The following PIK3C2G variants were observed in gnomAD, a reference collection of about 807,000 sequenced individuals.
PIK3C2G encodes phosphatidylinositol-4-phosphate 3-kinase catalytic subunit type 2 gamma.
A neutral mutation model predicts 181.1 loss-of-function variants in PIK3C2G; 168 were observed. The ratio of observed to expected loss-of-function variants is 0.93; its 90% CI spans 0.82 to 1.05. The LOEUF is 1.05. Among genes scored for constraint, PIK3C2G ranks in the 50% least tolerant of loss-of-function variants. The pLI is 0.00. For synonymous variants in PIK3C2G, 573 were observed against 592.2 expected (o/e 0.97, Z 0.47); for missense variants, 1,869 against 1,732.8 (o/e 1.08, Z -1.40).
At chr12:18,514,818 G>T (rs183961027) in intron 24 of PIK3C2G, among the ~76,000 whole-genome samples, 1 of 151,800 alleles carries the variant, frequency 6.6e-6, no homozygotes, top group East Asian at 1.9e-4. Flanking sequence ...TTGTCTTCTT[G>T]TTCCGGATCT....
At chr12:18,244,118 G>C (rs546808791), upstream of PIK3C2G, among the ~76,000 whole-genome samples, 1 of 151,736 alleles carries the variant, frequency 6.6e-6, no homozygotes, top group Admixed American at 6.6e-5. Context: ...AAATGATCTT[G>C]GTAAATTCAA....
chr12:18,394,102 A>G lies in PIK3C2G; in HGVS notation c.2126+2850A>G, dbSNP rs556559943. 2.2e-3 allele frequency among the ~76,000 whole-genome samples: 341 copies of G among 152,254 alleles called. 1 individual carries two copies. Among genetic ancestry groups the G allele is most frequent in the Non-Finnish European group, 4.0e-3 (269 of 67,942 alleles). ...GAGAAGCCACACAATGCTGGGAGAC[A>G]TAGAAATTCTGACCAATAAGAATGG... On this transcript the variant is annotated intron_variant, in intron 15 of 32. Coordinates refer to ENST00000538779, the MANE Select transcript of PIK3C2G (RefSeq NM_001288772.2).
At chr12:18,377,825 A>G (rs532084577) in intron 13 of PIK3C2G, among the ~76,000 whole-genome samples, 1 of 152,300 alleles carries the variant, frequency 6.6e-6, no homozygotes, top group East Asian at 1.9e-4. Flanking sequence ...TAAGTTATAA[A>G]TATTACATAT....
chr12:18,557,689 G>C (rs960743347), intron 26 of PIK3C2G, among the ~76,000 whole-genome samples: 2 of 152,040 alleles, frequency 1.3e-5, no homozygotes, highest in African/African-American at 4.8e-5. Flanking sequence ...TTACATGACT[G>C]TGTACATACA....
chr12:18,332,743 C>G (rs1276890367), intron 8 of PIK3C2G, among the ~76,000 whole-genome samples: 1 of 152,086 alleles, frequency 6.6e-6, no homozygotes, highest in African/African-American at 2.4e-5. Context: ...CAGGGAAATG[C>G]AGGGTTTGCT....
chr12:18,530,546 T>A (rs1440257562), intron 24 of PIK3C2G, among the ~76,000 whole-genome samples: 4 of 152,166 alleles, frequency 2.6e-5, no homozygotes, highest in Non-Finnish European at 5.9e-5. Flanking sequence ...CATAACCACT[T>A]GATCTGGTTT....
chr12:18,519,083 C>T (rs1231695160), intron 24 of PIK3C2G, among the ~76,000 whole-genome samples: 1 of 152,192 alleles, frequency 6.6e-6, no homozygotes, highest in Non-Finnish European at 1.5e-5. Flanking sequence ...TTTGATTGCA[C>T]TGTGGTCTGA....
At chr12:18,312,941 G>C (rs1407632414) in intron 5 of PIK3C2G, among the ~76,000 whole-genome samples, 1 of 151,854 alleles carries the variant, frequency 6.6e-6, no homozygotes, top group Non-Finnish European at 1.5e-5. Context: ...CTATTTGTCT[G>C]GCATTGTTGG....
At chr12:18,421,899 G>A (rs144513342) in intron 17 of PIK3C2G, among the ~76,000 whole-genome samples, 1 of 152,036 alleles carries the variant, frequency 6.6e-6, no homozygotes, top group East Asian at 1.9e-4. Flanking sequence ...CAGAGATTAT[G>A]AATTTCTCTG....
In PIK3C2G at chr12:18,343,344, A is replaced by T; in HGVS notation, c.1413A>T (p.Ser471=). ...QRKGENFYQS[S]ETSAKGLIEK... ...TTTTTCAGAATTTTTATCAAAGTTC[A>T]GAGACTTCAGCAAAAGGTAAAACAT... Residue 471 remains serine, a synonymous_variant, in exon 10 of 33, where the codon TCA becomes TCT. Transcript: ENST00000538779. 7.3e-7 allele frequency: 1 copy of T among 1,369,184 alleles called. No homozygotes were observed. Among genetic ancestry groups the T allele is most frequent in the Non-Finnish European group, 1.0e-6 (1 of 990,134 alleles). 84.8% of individuals were successfully genotyped at this position (1,369,184 alleles called of 1,614,324 possible). A position where few individuals can be genotyped will look rare whatever the true frequency, so the allele number is the denominator to read the frequency against.
intron 6 of PIK3C2G, among the ~76,000 whole-genome samples, chr12:18,318,326 T>C: frequency 6.6e-6 from 1 of 152,286 alleles, no homozygotes; most frequent in South Asian, 2.1e-4. Context: ...ATGTATATGA[T>C]TTATTGATTA....
chr12:18,596,260 G>A (rs1460507489), intron 30 of PIK3C2G, among the ~76,000 whole-genome samples: 1 of 151,978 alleles, frequency 6.6e-6, no homozygotes. Flanking sequence ...TCTGGCACAA[G>A]AAATTCAGGG....
the PIK3C2G span, among the ~76,000 whole-genome samples, chr12:18,667,850 G>C: frequency 2.0e-5 from 3 of 152,106 alleles, no homozygotes; most frequent in Admixed American, 6.6e-5. Flanking sequence ...ACATTGCTCT[G>C]CCTTCTTAAG....
intron 18 of PIK3C2G, among the ~76,000 whole-genome samples, chr12:18,482,403 C>G (rs1243900622): frequency 6.6e-6 from 1 of 152,110 alleles, no homozygotes; most frequent in African/African-American, 2.4e-5. Context: ...ACGGTCAAAG[C>G]TGGCTACCTT....
chr12:18,467,944 C>T (rs1938076325), intron 18 of PIK3C2G, among the ~76,000 whole-genome samples: 1 of 151,942 alleles, frequency 6.6e-6, no homozygotes, highest in African/African-American at 2.4e-5. Context: ...GTTTTTGCTC[C>T]CCTGAGTGGG....
chr12:18,585,012 C>A (rs1218207469), intron 29 of PIK3C2G, among the ~76,000 whole-genome samples: 1 of 152,102 alleles, frequency 6.6e-6, no homozygotes, highest in Non-Finnish European at 1.5e-5. Flanking sequence ...CCGCTACCAC[C>A]AGACCTGCCT....
chr12:18,303,139 T>TTTC (rs71302109), intron 5 of PIK3C2G, among the ~76,000 whole-genome samples: 6,632 of 128,450 alleles, frequency 0.052, 182 homozygotes, highest in East Asian at 0.08. Flanking sequence ...TCTTTCTTTC[T>TTTC]TTTCTTTTCT....
intron 5 of PIK3C2G, among the ~76,000 whole-genome samples, chr12:18,305,398 C>T (rs946009580): frequency 9.9e-5 from 15 of 152,092 alleles, no homozygotes; most frequent in East Asian, 3.8e-4. Flanking sequence ...AAAGGAATCT[C>T]GAAGCTGTTG....
In PIK3C2G at chr12:18,391,106, A is replaced by T. The variant is rs755668984; in HGVS notation, c.1996-16A>T. The T allele has an allele frequency of 4.4e-6, 7 of 1,586,450 alleles. No individual in the cohort carries two copies. The highest frequency in any genetic ancestry group is 6.0e-6 in the Non-Finnish European group (7 of 1,167,534). ...AGACACCTTCAACACATGGCAAATCATTTTTTTTCTTTCAGATTGATTTTC... is the reference window on the plus strand; with the variant it reads ...AGACACCTTCAACACATGGCAAATCTTTTTTTTTCTTTCAGATTGATTTTC... On this transcript the variant is annotated splice_polypyrimidine_tract_variant and intron_variant, in intron 14 of 32. Transcript: ENST00000538779.
Sources: allele counts gnomAD v4.1 joint callset (sites outside exome capture counted in the v4.1 genomes callset), GRCh38; gene constraint gnomAD v4.1.1; transcripts MANE v1.5; gene names NCBI Gene and HGNC (gene_info 2026-07-23, HGNC 2026-07-21).